The following ERC2 variants were observed in gnomAD, a reference collection of about 807,000 sequenced individuals.
The protein encoded by ERC2 is ELKS/RAB6-interacting/CAST family member 2, also known as ERC protein 2.
ERC2 carries 42 observed loss-of-function variants against 114.8 expected under a neutral mutation model. That is an observed-to-expected ratio of 0.37 (90% CI 0.29 to 0.47). The LOEUF (loss-of-function observed/expected upper bound fraction) is 0.47. Among genes scored for constraint, ERC2 ranks in the 20% least tolerant of loss-of-function variants. The probability of loss-of-function intolerance (pLI) is 0.99; values close to 1 mark genes in which losing one functional copy is unlikely to be tolerated. For missense variants in ERC2, 939 were observed against 1,150.7 expected, an observed-to-expected ratio of 0.82 and a Z score of 2.66; for synonymous variants, 454 against 425.5, an observed-to-expected ratio of 1.07 and a Z score of -0.82.
intron 2 of ERC2, among the ~76,000 whole-genome samples, chr3:56,430,407 G>T (rs1376273505): frequency 6.6e-6 from 1 of 152,188 alleles, no homozygotes; most frequent in Non-Finnish European, 1.5e-5. Context: ...TTCTGGCCAG[G>T]TACAGTGGCT....
intron 4 of ERC2, among the ~76,000 whole-genome samples, chr3:56,149,830 C>A (rs956677289): frequency 6.6e-6 from 1 of 152,008 alleles, no homozygotes; most frequent in Non-Finnish European, 1.5e-5. Context: ...ATGGAGCCAA[C>A]AACTAGAAAT....
intron 14 of ERC2, among the ~76,000 whole-genome samples, chr3:55,837,773 G>A (rs1036378666): frequency 3.3e-5 from 5 of 151,166 alleles, no homozygotes; most frequent in East Asian, 3.9e-4. Context: ...GACAGAACCC[G>A]CCAGAGTAAA....
At position 56,341,219 on chromosome 3, in the gene ERC2, C is replaced by G. The variant is rs564772144; in HGVS notation, c.658-44784G>C. ...GACTGTCTCCTTCCTGCCCCCTCCA[C>G]CTTCCTCCATCTTACAAAGGCTATT... On this transcript the variant is annotated intron_variant, in intron 2 of 17. Transcript: ENST00000288221. 2.6e-5 allele frequency among the ~76,000 whole-genome samples: 4 copies of G among 152,170 alleles called. No individual in the cohort carries two copies. The South Asian group carries it at 8.3e-4, about 32-fold the overall frequency.
In ERC2 at chr3:56,098,234, G is replaced by A. The variant is rs979905026; in HGVS notation, c.1474-17250C>T. Among the ~76,000 whole-genome samples the A allele has an allele frequency of 1.2e-4, 18 of 152,162 alleles. 1 individual carries two copies. Among genetic ancestry groups the A allele is most frequent in the Admixed American group, 1.1e-3 (17 of 15,268 alleles). ...GCAAAGACAAGTAAGGATGTTTTCA[G>A]GCCAAATATATTGCCCGACTCCTTT... On this transcript the variant is annotated intron_variant, in intron 6 of 17. Transcript: ENST00000288221.
chr3:55,844,653 C>T (rs2061275128), intron 14 of ERC2, among the ~76,000 whole-genome samples: 1 of 152,050 alleles, frequency 6.6e-6, no homozygotes, highest in African/African-American at 2.4e-5. Flanking sequence ...AAGGTGAAGT[C>T]ATATGATTTG....
chr3:56,226,280 C>T (rs2050242140), intron 3 of ERC2, among the ~76,000 whole-genome samples: 1 of 152,176 alleles, frequency 6.6e-6, no homozygotes, highest in Admixed American at 6.5e-5. Context: ...TTTAATTAAT[C>T]CTCTGCAAGG....
At chr3:55,872,092 G>A (rs2062611923) in intron 14 of ERC2, among the ~76,000 whole-genome samples, 1 of 152,180 alleles carries the variant, frequency 6.6e-6, no homozygotes, top group African/African-American at 2.4e-5. Flanking sequence ...GAAATTGGAT[G>A]GAGGTCATGT....
chr3:55,625,891 T>C (rs2059504475), intron 17 of ERC2, among the ~76,000 whole-genome samples: 1 of 152,204 alleles, frequency 6.6e-6, no homozygotes, highest in Admixed American at 6.5e-5. Context: ...GCCCTTGAGT[T>C]AACTCAAGGG....
chr3:56,299,947 A>G (rs1241885625), intron 2 of ERC2, among the ~76,000 whole-genome samples: 1 of 152,222 alleles, frequency 6.6e-6, no homozygotes, highest in African/African-American at 2.4e-5. Flanking sequence ...AATGCTTTGA[A>G]CAGAAACAGC....
intron 11 of ERC2, 82 bp from the exon 12 acceptor site, chr3:55,986,070 A>ACT: frequency 2.3e-6 from 3 of 1,318,000 alleles, no homozygotes; most frequent in Non-Finnish European, 3.2e-6. Context: ...AAAAGGAAGG[A>ACT]AATGCATTAG....
In ERC2 at chr3:56,149,108, G is replaced by C; in HGVS notation, c.1174C>G (p.Arg392Gly). The C allele has an allele frequency of 2.5e-6, 4 of 1,609,698 alleles. No individual in the cohort carries two copies. Among genetic ancestry groups the C allele is most frequent in the Non-Finnish European group, 3.4e-6 (4 of 1,177,956 alleles). ...MKDTKIASLE[R>G]NIRDLEDEIQ... ...TCATCCTCAAGATCCCTTATGTTTC[G>C]TTCCAATGAAGCGATTTTTGTGTCC... is the stretch of plus-strand genomic sequence containing the variant. The change falls in exon 5 of 18, where the codon CGA (arginine) becomes GGA (glycine). Residue 392 changes from arginine to glycine, a missense_variant. Physicochemically the swap from Arg to Gly is moderately radical, Grantham distance 125. Coordinates refer to ENST00000288221, the MANE Select transcript of ERC2 (RefSeq NM_015576.3).
intron 17 of ERC2, among the ~76,000 whole-genome samples, chr3:55,548,597 G>C (rs528935348): frequency 6.6e-6 from 1 of 152,332 alleles, no homozygotes; most frequent in Admixed American, 6.5e-5. Context: ...AAGGAGCTAA[G>C]CATGGCCAAG....
intron 13 of ERC2, among the ~76,000 whole-genome samples, chr3:55,908,712 G>A (rs2064618178): frequency 6.6e-6 from 1 of 152,094 alleles, no homozygotes; most frequent in Non-Finnish European, 1.5e-5. Context: ...CCCTCTTCTA[G>A]CCCCATCCAT....
Position 55,949,263 on chromosome 3 carries a change from G to A in ERC2, c.2403+1162C>T, listed in dbSNP as rs149456651. ...CGGGAGCCTGTAGTCCCAGCTACTC[G>A]GGAGGTTGAGGCACGAGAATGGTGT... On this transcript the variant is annotated intron_variant, in intron 13 of 17. Coordinates refer to ENST00000288221, the MANE Select transcript of ERC2 (RefSeq NM_015576.3). Among the ~76,000 whole-genome samples the A allele has an allele frequency of 9.4e-3, 1,437 of 152,214 alleles. 21 individuals carry two copies. Among genetic ancestry groups the A allele is most frequent in the African/African-American group, 0.032 (1,349 of 41,542 alleles).
intron 13 of ERC2, among the ~76,000 whole-genome samples, chr3:55,933,858 T>A (rs888027428): frequency 1.3e-5 from 2 of 152,154 alleles, no homozygotes; most frequent in African/African-American, 4.8e-5. Context: ...CCCAACCAGG[T>A]GAAGCCAGAC....
At chr3:56,258,745 C>T (rs1359825842) in intron 3 of ERC2, among the ~76,000 whole-genome samples, 1 of 152,162 alleles carries the variant, frequency 6.6e-6, no homozygotes, top group Non-Finnish European at 1.5e-5. Context: ...TTTGCCAACC[C>T]TGATATAAAC....
chr3:56,122,433 C>T (rs750302052), intron 6 of ERC2, among the ~76,000 whole-genome samples: 6 of 152,048 alleles, frequency 3.9e-5, no homozygotes, highest in Non-Finnish European at 8.8e-5. Flanking sequence ...GATTTATTCT[C>T]GGTTTAAAAT....
intron 4 of ERC2, among the ~76,000 whole-genome samples, chr3:56,171,735 CA>C (rs946104907): frequency 4.0e-5 from 6 of 150,390 alleles, no homozygotes; most frequent in Non-Finnish European, 7.4e-5. Context: ...TAAAAAGTCA[CA>C]AAAAAAGGTA....
intron 3 of ERC2, among the ~76,000 whole-genome samples, chr3:56,286,179 C>T (rs1426492252): frequency 5.3e-5 from 8 of 151,900 alleles, no homozygotes; most frequent in African/African-American, 1.5e-4. Context: ...TTTGGGAGGC[C>T]GAGGCGGGTG....
Sources: gnomAD v4.1 joint callset for allele counts (sites outside exome capture counted in the v4.1 genomes callset) on GRCh38, gnomAD v4.1.1 for gene constraint, MANE v1.5 for transcripts, NCBI Gene and HGNC (gene_info 2026-07-23, HGNC 2026-07-21) for gene names.